Variants in CNTN4 observed in about 807,000 individuals in gnomAD.
The protein encoded by CNTN4 is contactin-4.
A neutral mutation model predicts 122.5 loss-of-function variants in CNTN4; 77 were observed. The ratio of observed to expected loss-of-function variants is 0.63; its 90% CI spans 0.52 to 0.76. The LOEUF (loss-of-function observed/expected upper bound fraction) is 0.76, where lower values mean the gene tolerates loss of function less well. Ranked by LOEUF, CNTN4 falls within the 30% of genes least tolerant of loss-of-function variation. CNTN4 has a pLI of 0.00. For synonymous variants in CNTN4, 512 were observed against 447.0 expected (o/e 1.15, Z -1.83); for missense variants, 1,256 against 1,259.1 (o/e 1.00, Z 0.04).
At chr3:2,695,307 A>C (rs535555932) in intron 4 of CNTN4, among the ~76,000 whole-genome samples, 1 of 152,298 alleles carries the variant, frequency 6.6e-6, no homozygotes, top group South Asian at 2.1e-4. Context: ...CCTCTCTCTA[A>C]CATCTTCCAG....
intron 3 of CNTN4, among the ~76,000 whole-genome samples, chr3:2,369,513 T>C (rs1384072987): frequency 6.6e-6 from 1 of 152,070 alleles, no homozygotes; most frequent in East Asian, 1.9e-4. Flanking sequence ...TAGCAAGAGG[T>C]TGCAGCAATT....
rs113312260 is a variant in CNTN4, at chr3:2,975,960, C to T, written c.1359-12385C>T. ...TTCTCAGAAGAAAGGAATTCTAAAT[C>T]TTATATTAGTGGAAACATGGAGATC... On this transcript the variant is annotated intron_variant, in intron 13 of 24. Transcript: ENST00000418658. Among the ~76,000 whole-genome samples, 373 of 152,206 alleles carry T rather than the reference C, an allele frequency of 2.5e-3. 2 individuals are homozygous for T. Among genetic ancestry groups the T allele is most frequent in the African/African-American group, 8.5e-3 (353 of 41,524 alleles).
intron 6 of CNTN4, among the ~76,000 whole-genome samples, chr3:2,769,481 GAAACA>G (rs2090997738): frequency 7.1e-6 from 1 of 141,006 alleles, no homozygotes; most frequent in African/African-American, 2.6e-5. Context: ...AAAAAAAACA[GAAACA>G]AAACAAAAGG....
intron 4 of CNTN4, among the ~76,000 whole-genome samples, chr3:2,598,743 C>T (rs1023986797): frequency 1.3e-5 from 2 of 152,002 alleles, no homozygotes; most frequent in African/African-American, 2.4e-5. Context: ...CAAATCAGTT[C>T]AGTTAGTTGA....
intron 4 of CNTN4, among the ~76,000 whole-genome samples, chr3:2,638,395 C>G (rs2082758470): frequency 6.6e-6 from 1 of 152,092 alleles, no homozygotes; most frequent in East Asian, 1.9e-4. Flanking sequence ...TGCCTTAAAC[C>G]TCTTTAAGCC....
intron 3 of CNTN4, among the ~76,000 whole-genome samples, chr3:2,383,625 C>T (rs562785615): frequency 6.6e-6 from 1 of 151,560 alleles, no homozygotes; most frequent in East Asian, 2.0e-4. Context: ...CTCTCCCTCT[C>T]TCCCCCTCTC....
chr3:2,962,324 T>G (rs573406082), intron 13 of CNTN4, among the ~76,000 whole-genome samples: 1 of 152,358 alleles, frequency 6.6e-6, no homozygotes, highest in Admixed American at 6.5e-5. Flanking sequence ...TCTGCCACAC[T>G]CTTCCGAATA....
At chr3:2,891,715 G>C (rs1392455814) in intron 10 of CNTN4, among the ~76,000 whole-genome samples, 10 of 152,186 alleles carry the variant, frequency 6.6e-5, no homozygotes, top group African/African-American at 2.4e-4. Context: ...TGAGCAAGGG[G>C]CAAAGGTTTG....
chr3:2,223,767 G>T (rs1158990001), intron 2 of CNTN4, among the ~76,000 whole-genome samples: 1 of 152,196 alleles, frequency 6.6e-6, no homozygotes, highest in Non-Finnish European at 1.5e-5. Flanking sequence ...GTGGTACATG[G>T]TAGTATAAGG....
intron 4 of CNTN4, among the ~76,000 whole-genome samples, chr3:2,715,267 T>A (rs2087423389): frequency 6.6e-6 from 1 of 152,148 alleles, no homozygotes; most frequent in African/African-American, 2.4e-5. Context: ...TGAAAATACA[T>A]ATGTAAAGGG....
Position 2,346,539 on chromosome 3 carries a change from AT to A in CNTN4, c.-89+7313del, listed in dbSNP as rs539945140. On this transcript the variant is annotated intron_variant, in intron 3 of 24. Coordinates refer to ENST00000418658, the MANE Select transcript of CNTN4 (RefSeq NM_175607.3). ...GCTTCTTTTAATGGTAAACTCTCTA[AT>A]TTTTTTGTATCACTAAATATTTTTC... Among the ~76,000 whole-genome samples, 581 of 152,084 alleles carry A rather than the reference AT, an allele frequency of 3.8e-3. 1 individual carries two copies. Among genetic ancestry groups the A allele is most frequent in the African/African-American group, 0.013 (554 of 41,520 alleles).
At chr3:2,549,586 C>G (rs568172638) in intron 3 of CNTN4, among the ~76,000 whole-genome samples, 2 of 152,098 alleles carry the variant, frequency 1.3e-5, no homozygotes, top group Admixed American at 6.6e-5. Context: ...TGATGTACTG[C>G]TGAATTCCTT....
At chr3:2,315,734 A>C (rs2043075199) in intron 2 of CNTN4, among the ~76,000 whole-genome samples, 1 of 152,098 alleles carries the variant, frequency 6.6e-6, no homozygotes, top group East Asian at 1.9e-4. Flanking sequence ...TGGTTTTACC[A>C]GTAATGAACA....
At chr3:2,970,588 A>G (rs1692805638) in intron 13 of CNTN4, among the ~76,000 whole-genome samples, 1 of 151,812 alleles carries the variant, frequency 6.6e-6, no homozygotes, top group African/African-American at 2.4e-5. Context: ...TTGGGACTAC[A>G]GGCGCACATC....
intron 14 of CNTN4, among the ~76,000 whole-genome samples, chr3:3,014,825 C>G (rs1697585881): frequency 6.7e-6 from 1 of 150,144 alleles, no homozygotes; most frequent in African/African-American, 2.5e-5. Flanking sequence ...TTGTAAACAT[C>G]TCTCTGAAAA....
chr3:3,039,177 C>G (rs1247504597), intron 19 of CNTN4, 174 bp downstream of exon 19: 3 of 640,024 alleles, frequency 4.7e-6, no homozygotes, highest in Middle Eastern at 3.3e-4. Context: ...ACGGCACTTG[C>G]CCATCCATTG....
Position 2,447,842 on chromosome 3 carries a change from A to G in CNTN4, c.-89+108609A>G, listed in dbSNP as rs566569315. On this transcript the variant is annotated intron_variant, in intron 3 of 24. Coordinates refer to ENST00000418658, the MANE Select transcript of CNTN4 (RefSeq NM_175607.3). The stretch of plus-strand genomic sequence containing the variant: ...TACTTCAAATGCATTATCTCTTTCA[A>G]TCCCTCAAGATTCCAGTTAAGTGTA... 7.2e-5 allele frequency among the ~76,000 whole-genome samples: 11 copies of G among 152,248 alleles called. No homozygotes were observed. In the East Asian group the frequency reaches 1.2e-3, roughly 16 times the overall value.
At chr3:2,800,547 C>G (rs2728082) in intron 6 of CNTN4, among the ~76,000 whole-genome samples, 83,888 of 151,916 alleles carry the variant, frequency 0.55, 24,524 homozygotes, top group South Asian at 0.75. Flanking sequence ...TTGCAACTTT[C>G]ATTTCTTAGT....
At chr3:2,449,780 C>T (rs1023897579) in intron 3 of CNTN4, among the ~76,000 whole-genome samples, 3 of 152,192 alleles carry the variant, frequency 2.0e-5, no homozygotes, top group East Asian at 3.9e-4. Context: ...ATAATGAAAT[C>T]TTGCTATTTA....
Sources: allele counts gnomAD v4.1 joint callset (sites outside exome capture counted in the v4.1 genomes callset), GRCh38; gene constraint gnomAD v4.1.1; transcripts MANE v1.5; gene names NCBI Gene and HGNC (gene_info 2026-07-23, HGNC 2026-07-21).